Variants in APLP1 observed in about 807,000 individuals in gnomAD.
APLP1 encodes amyloid beta precursor like protein 1.
In APLP1, 46 loss-of-function variants were observed where a neutral mutation model predicts 84.5. That is an observed-to-expected ratio of 0.54 (90% CI 0.43 to 0.70). The LOEUF is 0.70. Among genes scored for constraint, APLP1 ranks in the 30% least tolerant of loss-of-function variants. APLP1 has a pLI of 0.00. For missense variants in APLP1, 826 were observed against 900.2 expected (o/e 0.92, Z 1.05); for synonymous variants, 376 against 364.0 (o/e 1.03, Z -0.38).
Position 35,868,767 on chromosome 19 carries a change from GCCC to G in APLP1, c.133_135del (p.Pro45del). 1 of 1,329,038 alleles carries G rather than the reference GCCC, an allele frequency of 7.5e-7. No homozygotes were observed. Among genetic ancestry groups the G allele is most frequent in the Non-Finnish European group, 9.6e-7 (1 of 1,043,138 alleles). The allele number at this position is 1,329,038 out of a possible 1,614,324, so 82.3% of individuals were successfully genotyped here. On this transcript the variant is annotated inframe_deletion, in exon 1 of 17. Transcript: ENST00000221891. The surrounding 1 kb of genome is among the most constrained non-coding windows in gnomAD (Gnocchi z 5.2). The stretch of plus-strand genomic sequence containing the variant: ...GCCATCGGGAGCCTGGCCGGTGGGA[GCCC>G]CGGCGCGGCCGAGGTGAGGCCGGGC...
chr19:35,872,661 A>G, intron 7 of APLP1, 48 bp downstream of exon 7: 1 of 1,563,892 alleles, frequency 6.4e-7, no homozygotes, highest in African/African-American at 1.4e-5. Context: ...AGAGCTCCCT[A>G]AATACCAGGA....
In APLP1 at chr19:35,868,910, C is replaced by A; in HGVS notation, c.147+127C>A. On this transcript the variant is annotated intron_variant, in intron 1 of 16. Coordinates refer to ENST00000221891, the MANE Select transcript of APLP1 (RefSeq NM_001024807.3). This position sits in a 1 kb window ranked among gnomAD's most constrained non-coding sequence, Gnocchi z 5.2. ...CAGGTGGTCAGCCCCCAGGCGCCCC[C>A]AATCACATTTATGAACCCAGGGTTC... 1 of 819,166 alleles carries A rather than the reference C, an allele frequency of 1.2e-6. No homozygotes were observed. Among genetic ancestry groups the A allele is most frequent in the Non-Finnish European group, 1.7e-6 (1 of 604,564 alleles). 50.7% of individuals were successfully genotyped at this position (819,166 alleles called of 1,614,324 possible). A position where few individuals can be genotyped will look rare whatever the true frequency, so the allele number is the denominator to read the frequency against.
chr19:35,877,794 G>T lies in APLP1; in HGVS notation c.1521G>T (p.Lys507Asn). The T allele has an allele frequency of 6.2e-7, 1 of 1,610,812 alleles. No individual in the cohort carries two copies. The highest frequency in any genetic ancestry group is 1.1e-5 in the South Asian group (1 of 90,716). ...CCCCTGGGGGCAGCAGCGAGGACAA[G>T]GGTGGGCTGCAGCCTCCAGATTCCA... The part of the protein sequence containing the change: ...APAPGGSSED[K>N]GGLQPPDSKD... The change falls in exon 12 of 17, where the codon AAG becomes AAT. Residue 507 changes from lysine (K) to asparagine (N), a missense_variant. This residue lies in a region of APLP1 where 433 missense variants were observed against 496.5 expected (regional missense o/e 0.87). Transcript: ENST00000221891.
At chr19:35,869,831 G>A (rs758112570) in intron 2 of APLP1, 21 bp downstream of exon 2, 4 of 1,570,188 alleles carry the variant, frequency 2.5e-6, no homozygotes, top group Non-Finnish European at 3.4e-6. Flanking sequence ...CCGAACGGGA[G>A]AGGCGGGGCC....
At position 35,868,911 on chromosome 19, in the gene APLP1, A is replaced by G. The variant is rs1599879727; in HGVS notation, c.147+128A>G. 1 of 779,496 alleles carries G rather than the reference A, an allele frequency of 1.3e-6. No homozygotes were observed. Among genetic ancestry groups the G allele is most frequent in the African/African-American group, 2.0e-5 (1 of 48,914 alleles). The allele number at this position is 779,496 out of a possible 1,614,324, so 48.3% of individuals were successfully genotyped here. A position where few individuals can be genotyped will look rare whatever the true frequency, so the allele number is the denominator to read the frequency against. On this transcript the variant is annotated intron_variant, in intron 1 of 16. Coordinates refer to ENST00000221891, the MANE Select transcript of APLP1 (RefSeq NM_001024807.3). This position sits in a 1 kb window ranked among gnomAD's most constrained non-coding sequence, Gnocchi z 5.2. The stretch of plus-strand genomic sequence containing the variant: ...AGGTGGTCAGCCCCCAGGCGCCCCC[A>G]ATCACATTTATGAACCCAGGGTTCC...
At chr19:35,869,010 C>G (rs910171101) in intron 1 of APLP1, 5 of 374,342 alleles carry the variant, frequency 1.3e-5, no homozygotes, top group Middle Eastern at 6.8e-4. Flanking sequence ...CTATTCAGAG[C>G]CCCTGGTCCC....
Position 35,878,662 on chromosome 19 carries a change from AG to A in APLP1, c.1650+9del. 1 of 1,614,128 alleles carries A rather than the reference AG, an allele frequency of 6.2e-7. No homozygotes were observed. The highest frequency in any genetic ancestry group is 8.5e-7 in the Non-Finnish European group (1 of 1,179,980). On this transcript the variant is annotated intron_variant, in intron 14 of 16. Transcript: ENST00000221891. ...GAACAGTATGAGCGAAAGGTAAGTTAGTCAGAACTGTGGGCTCCCTAAGGGG... is the reference window on the plus strand; with the variant it reads ...GAACAGTATGAGCGAAAGGTAAGTTATCAGAACTGTGGGCTCCCTAAGGGG...
chr19:35,869,608 C>T (rs763296305), intron 1 of APLP1, 59 bp from the exon 2 acceptor site: 3 of 1,598,484 alleles, frequency 1.9e-6, no homozygotes, highest in South Asian at 2.2e-5. Context: ...AGCAAAGAAC[C>T]AGGGGACCCT....
Position 35,868,959 on chromosome 19 carries a change from C to T in APLP1, c.147+176C>T, listed in dbSNP as rs1307835862. On this transcript the variant is annotated intron_variant, in intron 1 of 16. Transcript: ENST00000221891. This position sits in a 1 kb window ranked among gnomAD's most constrained non-coding sequence, Gnocchi z 5.2. ...TCCAGGCCCCAGCTCCCCCATCATG[C>T]GACGTCCCAGCCCCCTCCCATCTCG... 7.1e-6 allele frequency: 3 copies of T among 420,434 alleles called. No individual in the cohort carries two copies. The highest frequency in any genetic ancestry group is 1.2e-5 in the Non-Finnish European group (3 of 247,322). 26.0% of individuals were successfully genotyped at this position (420,434 alleles called of 1,614,324 possible).
Position 35,870,996 on chromosome 19 carries a change from C to G in APLP1, c.392C>G (p.Pro131Arg). The change falls in exon 3 of 17, where the codon CCC (proline) becomes CGC (arginine). Residue 131 changes from proline to arginine, a missense_variant. This residue lies in a region of APLP1 where 383 missense variants were observed against 378.3 expected (regional missense o/e 1.01). Transcript: ENST00000221891. ...GGSRSGSCAHPHHQVVPFRCL... is the reference protein window; with the variant it reads ...GGSRSGSCAHRHHQVVPFRCL... ...TCCCGGAGCGGCAGCTGCGCCCACCCCCACCACCAGGTTGTGCCCTTCCGC... is the reference window on the plus strand; with the variant it reads ...TCCCGGAGCGGCAGCTGCGCCCACCGCCACCACCAGGTTGTGCCCTTCCGC... 6.4e-7 allele frequency: 1 copy of G among 1,552,404 alleles called. No individual in the cohort carries two copies. The highest frequency in any genetic ancestry group is 8.7e-7 in the Non-Finnish European group (1 of 1,150,040).
intron 14 of APLP1, 87 bp downstream of exon 14, chr19:35,878,741 T>A: frequency 1.9e-6 from 3 of 1,555,960 alleles, no homozygotes; most frequent in Non-Finnish European, 2.7e-6. Context: ...GCTGGGGGCT[T>A]GGATTCCTTG....
In APLP1 at chr19:35,874,471, C is replaced by T. The variant is rs1446519562; in HGVS notation, c.1057-33C>T. The T allele has an allele frequency of 1.2e-6, 2 of 1,611,250 alleles. No homozygotes were observed. Among genetic ancestry groups the T allele is most frequent in the East Asian group, 2.2e-5 (1 of 44,796 alleles). ...TTGACCAGGCTTTGACCCATCTTCT[C>T]CTCTCCTGACCCTGTGCCCACCCGC... On this transcript the variant is annotated intron_variant, in intron 8 of 16. Transcript: ENST00000221891. This position sits in a 1 kb window ranked among gnomAD's most constrained non-coding sequence, Gnocchi z 6.4.
rs1289364787 is a variant in APLP1 at position 35,879,356 on chromosome 19, T to C, written c.1871T>C (p.Leu624Pro). The change falls in exon 17 of 17, where the codon CTG becomes CCG. Residue 624 changes from leucine (L) to proline (P), a missense_variant. Transcript: ENST00000221891. ...SHGVVEVDPM[L>P]TLEEQQLREL... ...TGCTCGTTGCAGGTGGACCCCATGC[T>C]GACCCTGGAGGAGCAGCAGCTCCGC... 5.0e-6 allele frequency: 8 copies of C among 1,613,996 alleles called. No homozygotes were observed. The highest frequency in any genetic ancestry group is 5.9e-6 in the Non-Finnish European group (7 of 1,180,000).
chr19:35,871,539 C>T (rs941203863), intron 4 of APLP1, 73 bp from the exon 5 acceptor site: 5 of 1,582,352 alleles, frequency 3.2e-6, no homozygotes, highest in Non-Finnish European at 4.3e-6. Context: ...CAACCCCCAA[C>T]CCTGGCAGCC....
At chr19:35,869,890 G>T in intron 2 of APLP1, 80 bp downstream of exon 2, 1 of 1,504,524 alleles carries the variant, frequency 6.6e-7, no homozygotes. Context: ...GGTGCTGCGC[G>T]ATCTAAGGCG....
At position 35,874,493 on chromosome 19, in the gene APLP1, C is replaced by T. The variant is rs1469150655; in HGVS notation, c.1057-11C>T. ...TCTCCTCTCCTGACCCTGTGCCCAC[C>T]CGCTCCCCAGCACTTCCAGTCCATT... On this transcript the variant is annotated splice_polypyrimidine_tract_variant and intron_variant, in intron 8 of 16. Coordinates refer to ENST00000221891, the MANE Select transcript of APLP1 (RefSeq NM_001024807.3). The surrounding 1 kb of genome is among the most constrained non-coding windows in gnomAD (Gnocchi z 6.4). 1.1e-5 allele frequency: 17 copies of T among 1,613,582 alleles called. No individual in the cohort carries two copies. Among genetic ancestry groups the T allele is most frequent in the African/African-American group, 1.3e-5 (1 of 74,946 alleles).
Position 35,874,950 on chromosome 19 carries a change from C to A in APLP1, c.1344+81C>A, listed in dbSNP as rs1974246241. 2.0e-6 allele frequency: 3 copies of A among 1,532,616 alleles called. No homozygotes were observed. Among genetic ancestry groups the A allele is most frequent in the Admixed American group, 3.8e-5 (2 of 53,232 alleles). The allele number at this position is 1,532,616 out of a possible 1,614,324, so 94.9% of individuals were successfully genotyped here. A position where few individuals can be genotyped will look rare whatever the true frequency, so the allele number is the denominator to read the frequency against. On this transcript the variant is annotated intron_variant, in intron 10 of 16. Coordinates refer to ENST00000221891, the MANE Select transcript of APLP1 (RefSeq NM_001024807.3). The surrounding 1 kb of genome is among the most constrained non-coding windows in gnomAD (Gnocchi z 6.4). Reference sequence around the variant, plus strand: ...TCAGGCTCTTCTCTTGTCCCTTAGACCCTCTTTCTGTCTCTTGGACCCCTT... The same window carrying A: ...TCAGGCTCTTCTCTTGTCCCTTAGAACCTCTTTCTGTCTCTTGGACCCCTT...
Position 35,868,743 on chromosome 19 carries a change from CCAT to C in APLP1, c.109_111del (p.Ile37del). 7.3e-7 allele frequency: 1 copy of C among 1,373,110 alleles called. No homozygotes were observed. Among genetic ancestry groups the C allele is most frequent in the Non-Finnish European group, 9.4e-7 (1 of 1,067,110 alleles). The allele number at this position is 1,373,110 out of a possible 1,614,324, so 85.1% of individuals were successfully genotyped here. ...CTGCTGCTTCTGCGCGCGCAGCCCG[CCAT>C]CGGGAGCCTGGCCGGTGGGAGCCCC... On this transcript the variant is annotated inframe_deletion, in exon 1 of 17. Transcript: ENST00000221891. This position sits in a 1 kb window ranked among gnomAD's most constrained non-coding sequence, Gnocchi z 5.2.
intron 2 of APLP1, 198 bp from the exon 3 acceptor site, chr19:35,870,698 C>A (rs1053066875): frequency 1.4e-5 from 9 of 648,760 alleles, no homozygotes; most frequent in African/African-American, 1.3e-4. Context: ...ACAGGAGAAT[C>A]GCTTGAACCT....
Sources: gnomAD v4.1 joint callset for allele counts on GRCh38, gnomAD v4.1.1 for gene constraint, gnomAD v4.1.1 regional missense constraint, Gnocchi (gnomAD v3.1) non-coding constraint, MANE v1.5 for transcripts, NCBI Gene and HGNC (gene_info 2026-07-23, HGNC 2026-07-21) for gene names.